SLC26A5: variants seen among roughly 807,000 people sequenced by gnomAD.
SLC26A5 encodes the protein solute carrier family 26 member 5.
SLC26A5 carries 51 observed loss-of-function variants against 81.0 expected under a neutral mutation model. That is an observed-to-expected ratio of 0.63 (90% CI 0.50 to 0.80). The LOEUF (loss-of-function observed/expected upper bound fraction) is 0.80. SLC26A5 is among the 30% of genes least tolerant of loss of function. SLC26A5 has a pLI of 0.00. For synonymous variants in SLC26A5, 325 were observed against 332.8 expected (o/e 0.98, Z 0.25); for missense variants, 771 against 905.8 (o/e 0.85, Z 1.91).
intron 8 of SLC26A5, among the ~76,000 whole-genome samples, chr7:103,399,574 T>G (rs2116554059): frequency 6.6e-6 from 1 of 152,322 alleles, no homozygotes; most frequent in South Asian, 2.1e-4. Flanking sequence ...CACTTCTTTT[T>G]TAAATTTTTA....
At chr7:103,371,472 C>T (rs1030086817), downstream of SLC26A5, among the ~76,000 whole-genome samples, 1 of 149,886 alleles carries the variant, frequency 6.7e-6, no homozygotes. Flanking sequence ...CTACAGGCGC[C>T]CGCCACTACG....
intron 4 of SLC26A5, among the ~76,000 whole-genome samples, chr7:103,419,615 G>C (rs1160489663): frequency 6.6e-6 from 1 of 151,026 alleles, no homozygotes; most frequent in East Asian, 2.0e-4. Flanking sequence ...TCAGCTCACC[G>C]CAACCTCCAC....
intron 19 of SLC26A5, among the ~76,000 whole-genome samples, chr7:103,366,812 T>C (rs1820741510): frequency 6.6e-6 from 1 of 152,158 alleles, no homozygotes; most frequent in Non-Finnish European, 1.5e-5. Context: ...CTAGACTTTT[T>C]TTTTTGTTTT....
intron 4 of SLC26A5, among the ~76,000 whole-genome samples, chr7:103,417,901 A>T (rs1825050759): frequency 6.6e-6 from 1 of 152,126 alleles, no homozygotes; most frequent in Admixed American, 6.5e-5. Context: ...GGCATGTGCC[A>T]CTATGCCTGG....
intron 9 of SLC26A5, 141 bp from the exon 10 acceptor site, chr7:103,393,207 G>T (rs1320055570): frequency 1.1e-5 from 12 of 1,088,264 alleles, no homozygotes; most frequent in African/African-American, 1.6e-5. Flanking sequence ...TGCTCTGGTT[G>T]GCAAAAAGGA....
chr7:103,428,882 T>C (rs1454102891), intron 2 of SLC26A5, among the ~76,000 whole-genome samples: 1 of 152,196 alleles, frequency 6.6e-6, no homozygotes, highest in South Asian at 2.1e-4. Flanking sequence ...AGTGCATTTT[T>C]AAGTGTACAG....
At chr7:103,437,709 C>T (rs772715548) in intron 2 of SLC26A5, among the ~76,000 whole-genome samples, 19 of 152,160 alleles carry the variant, frequency 1.2e-4, no homozygotes, top group Non-Finnish European at 1.9e-4. Context: ...CATCATCTCA[C>T]TTACATGTGG....
intron 4 of SLC26A5, among the ~76,000 whole-genome samples, chr7:103,417,526 CCTT>C (rs1825015605): frequency 6.7e-6 from 1 of 150,092 alleles, no homozygotes; most frequent in African/African-American, 2.5e-5. Flanking sequence ...ATCTTAGCTC[CCTT>C]CTTTTTTCAT....
chr7:103,379,235 T>C lies in SLC26A5; in HGVS notation c.1677+8A>G. 1 of 1,592,740 alleles carries C rather than the reference T, an allele frequency of 6.3e-7. No individual in the cohort carries two copies. The highest frequency in any genetic ancestry group is 8.6e-7 in the Non-Finnish European group (1 of 1,160,726). ...ATCCTCAGAAATAATCAATTTCTCA[T>C]GACTCACCTTTCGTTTTAATGCATT... is the stretch of plus-strand genomic sequence containing the variant. On this transcript the variant is annotated splice_region_variant and intron_variant, in intron 16 of 19. Transcript: ENST00000306312.
chr7:103,402,298 T>C (rs957400700), intron 8 of SLC26A5, among the ~76,000 whole-genome samples: 1 of 152,178 alleles, frequency 6.6e-6, no homozygotes, highest in African/African-American at 2.4e-5. Context: ...GGAGGGTGTA[T>C]GTGTCCAGGA....
At chr7:103,377,885 C>T in intron 17 of SLC26A5, 86 bp from the exon 18 acceptor site, 1 of 1,314,026 alleles carries the variant, frequency 7.6e-7, no homozygotes, top group Non-Finnish European at 1.1e-6. Context: ...AAAATCTGCT[C>T]TTGTGTTCTT....
chr7:103,376,729 C>T (rs759955011), intron 19 of SLC26A5, 79 bp downstream of exon 19: 365 of 979,354 alleles, frequency 3.7e-4, no homozygotes, highest in Non-Finnish European at 5.6e-4. Context: ...AAATTAAGGA[C>T]ATTTCCAAGT....
At chr7:103,441,427 CATG>C (rs1209200129) in intron 2 of SLC26A5, among the ~76,000 whole-genome samples, 1 of 152,164 alleles carries the variant, frequency 6.6e-6, no homozygotes, top group Non-Finnish European at 1.5e-5. Flanking sequence ...GTAATGGCAA[CATG>C]ATTAGGTCCC....
intron 2 of SLC26A5, among the ~76,000 whole-genome samples, chr7:103,435,954 T>G (rs1476410283): frequency 6.6e-6 from 1 of 152,178 alleles, no homozygotes; most frequent in African/African-American, 2.4e-5. Context: ...TATTGACCAT[T>G]TTGTAAACTG....
At chr7:103,429,445 C>T (rs1404265897) in intron 2 of SLC26A5, among the ~76,000 whole-genome samples, 5 of 152,112 alleles carry the variant, frequency 3.3e-5, no homozygotes, top group African/African-American at 1.2e-4. Flanking sequence ...TTGCCCTGAG[C>T]AACAGGATGT....
intron 2 of SLC26A5, among the ~76,000 whole-genome samples, chr7:103,426,942 A>C (rs1825745793): frequency 6.6e-6 from 1 of 152,228 alleles, no homozygotes; most frequent in African/African-American, 2.4e-5. Context: ...CTAAAGGGAC[A>C]CATCTTCTGG....
intron 15 of SLC26A5, among the ~76,000 whole-genome samples, chr7:103,379,906 C>G (rs1018323461): frequency 6.6e-6 from 1 of 152,126 alleles, no homozygotes; most frequent in African/African-American, 2.4e-5. Flanking sequence ...ATTCTAACAC[C>G]TTTACCTTAG....
At chr7:103,393,688 G>A (rs943479290) in intron 9 of SLC26A5, among the ~76,000 whole-genome samples, 1 of 151,936 alleles carries the variant, frequency 6.6e-6, no homozygotes, top group African/African-American at 2.4e-5. Context: ...GAATCTGGAG[G>A]AGATAAAAGT....
At chr7:103,391,455 T>C (rs1375214848) in intron 11 of SLC26A5, among the ~76,000 whole-genome samples, 167 bp downstream of exon 11, 1 of 152,250 alleles carries the variant, frequency 6.6e-6, no homozygotes, top group Admixed American at 6.5e-5. Context: ...TTCAGTTCCT[T>C]GTGATTCACT....
Sources: allele counts gnomAD v4.1 joint callset (sites outside exome capture counted in the v4.1 genomes callset), GRCh38; gene constraint gnomAD v4.1.1; transcripts MANE v1.5; gene names NCBI Gene and HGNC (gene_info 2026-07-23, HGNC 2026-07-21).